The following PRKG1 variants were observed in gnomAD, a reference collection of about 807,000 sequenced individuals.
The protein encoded by PRKG1 is cGMP-dependent protein kinase 1.
In PRKG1, 35 loss-of-function variants were observed where a neutral mutation model predicts 88.1. That is an observed-to-expected ratio of 0.40 (90% CI 0.30 to 0.53). PRKG1 has a LOEUF of 0.53. Ranked by LOEUF, PRKG1 falls within the 20% of genes least tolerant of loss-of-function variation. The pLI is 0.59. For missense variants in PRKG1, 540 were observed against 839.8 expected, an observed-to-expected ratio of 0.64 and a Z score of 4.41; for synonymous variants, 303 against 292.5, an observed-to-expected ratio of 1.04 and a Z score of -0.37.
chr10:51,676,129 CA>C (rs1490110398), intron 3 of PRKG1, among the ~76,000 whole-genome samples: 1 of 151,320 alleles, frequency 6.6e-6, no homozygotes, highest in Admixed American at 6.6e-5. Flanking sequence ...AAAAGAAAAG[CA>C]AAAAGACTTG....
intron 5 of PRKG1, among the ~76,000 whole-genome samples, chr10:52,011,613 G>A (rs1032244590): frequency 1.3e-5 from 2 of 152,092 alleles, no homozygotes; most frequent in Non-Finnish European, 2.9e-5. Flanking sequence ...GAACAAATGT[G>A]TACTCCTCAT....
intron 3 of PRKG1, among the ~76,000 whole-genome samples, chr10:51,712,607 T>G (rs1841784233): frequency 8.5e-6 from 1 of 118,228 alleles, no homozygotes; most frequent in Admixed American, 8.6e-5. Flanking sequence ...TTTTTTTTTT[T>G]GAGACGGAGT....
intron 9 of PRKG1, among the ~76,000 whole-genome samples, chr10:52,238,854 A>G (rs988061275): frequency 6.7e-6 from 1 of 149,786 alleles, no homozygotes; most frequent in African/African-American, 2.5e-5. Flanking sequence ...TCATGCTGCT[A>G]TAAAGACACA....
intron 1 of PRKG1, among the ~76,000 whole-genome samples, chr10:51,043,531 A>G (rs1843451799): frequency 6.6e-6 from 1 of 152,128 alleles, no homozygotes; most frequent in African/African-American, 2.4e-5. Context: ...AGCAATTATT[A>G]TACAATATGA....
At chr10:51,318,893 A>G (rs1841387098) in intron 2 of PRKG1, among the ~76,000 whole-genome samples, 1 of 152,220 alleles carries the variant, frequency 6.6e-6, no homozygotes, top group Admixed American at 6.5e-5. Flanking sequence ...GAAGTCCTAC[A>G]TTGCTGATTT....
chr10:52,227,789 C>G (rs114739693), intron 9 of PRKG1, among the ~76,000 whole-genome samples: 1 of 152,248 alleles, frequency 6.6e-6, no homozygotes, highest in African/African-American at 2.4e-5. Context: ...AAACATAGAA[C>G]TTTACATTTT....
chr10:52,162,000 G>T (rs201854307), intron 9 of PRKG1, 37 bp downstream of exon 9: 2 of 1,527,190 alleles, frequency 1.3e-6, no homozygotes, highest in East Asian at 4.5e-5. Flanking sequence ...ATTGCAAAAT[G>T]ATTTTGAATA....
At chr10:51,190,077 T>C (rs796551194) in intron 2 of PRKG1, among the ~76,000 whole-genome samples, 1 of 151,964 alleles carries the variant, frequency 6.6e-6, no homozygotes, top group Non-Finnish European at 1.5e-5. Context: ...TGGTTATATG[T>C]GTGACTAAAC....
intron 2 of PRKG1, among the ~76,000 whole-genome samples, chr10:51,277,405 G>A (rs190955733): frequency 4.2e-4 from 64 of 152,046 alleles, no homozygotes; most frequent in Middle Eastern, 3.4e-3. Flanking sequence ...TGATCCCTCC[G>A]GCTTTGTTCT....
At chr10:51,702,055 G>T (rs1023022479) in intron 3 of PRKG1, among the ~76,000 whole-genome samples, 1 of 152,086 alleles carries the variant, frequency 6.6e-6, no homozygotes, top group Non-Finnish European at 1.5e-5. Flanking sequence ...TCTATTAAAA[G>T]GTTTGAGGTA....
chr10:52,002,247 A>C (rs774559553), intron 5 of PRKG1, among the ~76,000 whole-genome samples: 4 of 152,066 alleles, frequency 2.6e-5, no homozygotes, highest in Non-Finnish European at 5.9e-5. Context: ...AGTTCTTTGC[A>C]AATTCTGTTT....
intron 3 of PRKG1, among the ~76,000 whole-genome samples, chr10:51,521,174 C>T (rs1329358733): frequency 6.6e-6 from 1 of 152,136 alleles, no homozygotes; most frequent in Non-Finnish European, 1.5e-5. Flanking sequence ...GTAGTCCCAG[C>T]TACTCAAGGA....
At chr10:51,035,665 T>C (rs1049151274) in intron 1 of PRKG1, among the ~76,000 whole-genome samples, 6 of 152,214 alleles carry the variant, frequency 3.9e-5, no homozygotes, top group Admixed American at 1.3e-4. Context: ...ATTGCTCAGA[T>C]ACATTCTTTT....
At chr10:51,089,257 A>G (rs866203374) in intron 1 of PRKG1, among the ~76,000 whole-genome samples, 52 of 152,236 alleles carry the variant, frequency 3.4e-4, no homozygotes, top group African/African-American at 1.0e-3. Context: ...TCTTAAAAAT[A>G]AGATAGACTG....
intron 5 of PRKG1, among the ~76,000 whole-genome samples, chr10:51,974,865 A>T (rs951427814): frequency 3.3e-5 from 5 of 152,106 alleles, no homozygotes; most frequent in Non-Finnish European, 7.4e-5. Context: ...CTGTCATTTT[A>T]AAAAGTCAGT....
intron 9 of PRKG1, among the ~76,000 whole-genome samples, chr10:52,170,546 T>TA (rs1564500308): frequency 6.6e-6 from 1 of 152,054 alleles, no homozygotes; most frequent in Non-Finnish European, 1.5e-5. Context: ...AGTACCACAA[T>TA]CACCCCCCTC....
chr10:51,712,580 C>CTTTTTT (rs60053336), intron 3 of PRKG1, among the ~76,000 whole-genome samples: 5 of 96,030 alleles, frequency 5.2e-5, no homozygotes, highest in South Asian at 3.5e-4. Context: ...AATATTATTC[C>CTTTTTT]TTTTTTTTTT....
chr10:52,187,415 A>T (rs987551063), intron 9 of PRKG1, among the ~76,000 whole-genome samples: 1 of 152,208 alleles, frequency 6.6e-6, no homozygotes, highest in Non-Finnish European at 1.5e-5. Flanking sequence ...GGTAAAAAAA[A>T]AATTTATAAT....
intron 3 of PRKG1, among the ~76,000 whole-genome samples, chr10:51,652,321 T>TTA (rs1840058616): frequency 6.7e-6 from 1 of 149,886 alleles, no homozygotes; most frequent in South Asian, 2.1e-4. Flanking sequence ...TGACACAAAT[T>TTA]AAAAAAAAAA....
Sources: gnomAD v4.1 joint callset for allele counts (sites outside exome capture counted in the v4.1 genomes callset) on GRCh38, gnomAD v4.1.1 for gene constraint, MANE v1.5 for transcripts, NCBI Gene and HGNC (gene_info 2026-07-23, HGNC 2026-07-21) for gene names.